Variants in CUX1 observed in about 807,000 individuals in gnomAD.
The protein encoded by CUX1 is protein CASP.
CUX1 carries 31 observed loss-of-function variants against 158.8 expected under a neutral mutation model. That is an observed-to-expected ratio of 0.20 (90% CI 0.15 to 0.26). The LOEUF (loss-of-function observed/expected upper bound fraction) is 0.26. Among genes scored for constraint, CUX1 ranks in the 10% least tolerant of loss-of-function variants. The probability of loss-of-function intolerance (pLI) is 1.00; values close to 1 mark genes in which losing one functional copy is unlikely to be tolerated. For missense variants in CUX1, 1,589 were observed against 2,014.6 expected, an observed-to-expected ratio of 0.79 and a Z score of 4.04; for synonymous variants, 879 against 862.1, an observed-to-expected ratio of 1.02 and a Z score of -0.34.
At chr7:102,211,998 G>A (rs1796589108) in intron 20 of CUX1, among the ~76,000 whole-genome samples, 1 of 152,134 alleles carries the variant, frequency 6.6e-6, no homozygotes, top group South Asian at 2.1e-4. Flanking sequence ...GATGTGTGAT[G>A]TATAGGGATC....
chr7:102,120,531 G>T (rs1391042583), intron 8 of CUX1, among the ~76,000 whole-genome samples: 3 of 152,198 alleles, frequency 2.0e-5, no homozygotes, highest in Non-Finnish European at 4.4e-5. Flanking sequence ...ACGACATTGT[G>T]TATACACATA....
chr7:101,850,525 ATGAGAGCAC>A (rs893047556), intron 1 of CUX1, among the ~76,000 whole-genome samples: 3 of 150,176 alleles, frequency 2.0e-5, no homozygotes, highest in African/African-American at 7.4e-5. Flanking sequence ...GGTATAGGAA[ATGAGAGCAC>A]TGTGCCCGGC....
At chr7:102,194,511 G>T (rs1187923724) in intron 13 of CUX1, among the ~76,000 whole-genome samples, 1 of 151,098 alleles carries the variant, frequency 6.6e-6, no homozygotes, top group Non-Finnish European at 1.5e-5. Flanking sequence ...GAGGCAGGAA[G>T]ATCGCTTGAG....
chr7:102,280,761 G>A, intron 19 of CUX1: 2 of 1,601,040 alleles, frequency 1.2e-6, no homozygotes, highest in East Asian at 2.2e-5. Flanking sequence ...CAGGGCCTGT[G>A]AGGTCCTTTG....
downstream of CUX1, among the ~76,000 whole-genome samples, chr7:102,259,637 TATTTG>T (rs1465564273): frequency 6.6e-6 from 1 of 151,602 alleles, no homozygotes; most frequent in Non-Finnish European, 1.5e-5. Flanking sequence ...GCCAGTTTGG[TATTTG>T]ACAGACTGAA....
chr7:102,104,651 G>A (rs1830146263), intron 6 of CUX1, among the ~76,000 whole-genome samples, 192 bp downstream of exon 6: 1 of 152,120 alleles, frequency 6.6e-6, no homozygotes, highest in Non-Finnish European at 1.5e-5. Context: ...CAGCACTTTG[G>A]GAGGCCGAGG....
chr7:102,059,270 C>T (rs1309184943), intron 3 of CUX1, among the ~76,000 whole-genome samples: 1 of 152,204 alleles, frequency 6.6e-6, no homozygotes, highest in Non-Finnish European at 1.5e-5. Flanking sequence ...CAAATCTCCT[C>T]TATGGATCCC....
intron 2 of CUX1, among the ~76,000 whole-genome samples, chr7:101,919,343 T>G (rs1350870097): frequency 1.3e-5 from 2 of 152,188 alleles, no homozygotes; most frequent in African/African-American, 2.4e-5. Context: ...GAGCCACCAC[T>G]GCCCTGACAC....
rs529442542 is a variant in CUX1 at position 101,947,324 on chromosome 7, C to G, written c.141+31099C>G. Among the ~76,000 whole-genome samples the G allele has an allele frequency of 9.2e-5, 14 of 152,230 alleles. No individual in the cohort carries two copies. In the South Asian group the frequency reaches 2.5e-3, roughly 27 times the overall value. Reference sequence around the variant, plus strand: ...CAGGAGGATTGCTTGCACCCAGGAGCTCGAGGCTGCAGTGAGCCGTGATCA... The same window carrying G: ...CAGGAGGATTGCTTGCACCCAGGAGGTCGAGGCTGCAGTGAGCCGTGATCA... On this transcript the variant is annotated intron_variant, in intron 2 of 23. Coordinates refer to ENST00000292535, the MANE Select transcript of CUX1 (RefSeq NM_181552.4).
chr7:101,848,829 T>C (rs1374644864), intron 1 of CUX1, among the ~76,000 whole-genome samples: 1 of 149,680 alleles, frequency 6.7e-6, no homozygotes, highest in Non-Finnish European at 1.5e-5. Context: ...CTGGGCAACA[T>C]AGCAAGACCC....
chr7:102,149,629 G>A (rs551540216), intron 8 of CUX1, among the ~76,000 whole-genome samples: 5 of 152,176 alleles, frequency 3.3e-5, no homozygotes, highest in South Asian at 2.1e-4. Context: ...ATCAGGGCAC[G>A]ACAGCCACAG....
intron 2 of CUX1, among the ~76,000 whole-genome samples, chr7:101,965,708 G>T (rs546870086): frequency 6.6e-6 from 1 of 151,822 alleles, no homozygotes; most frequent in South Asian, 2.1e-4. Flanking sequence ...AATTAGCGGG[G>T]CGTGGTGGCA....
At chr7:102,174,374 C>T (rs1168970141) in intron 10 of CUX1, among the ~76,000 whole-genome samples, 1 of 152,206 alleles carries the variant, frequency 6.6e-6, no homozygotes, top group African/African-American at 2.4e-5. Flanking sequence ...CCACCTCAGC[C>T]TCCCAAAGTG....
chr7:102,124,021 C>T (rs981955948), intron 8 of CUX1, among the ~76,000 whole-genome samples: 8 of 152,164 alleles, frequency 5.3e-5, no homozygotes, highest in African/African-American at 1.9e-4. Flanking sequence ...TCATTATTCA[C>T]AGACTGTCAC....
intron 2 of CUX1, among the ~76,000 whole-genome samples, chr7:101,928,156 A>G (rs746824790): frequency 1.8e-4 from 28 of 152,314 alleles, no homozygotes; most frequent in Non-Finnish European, 7.3e-5. Context: ...AGTCAAAAAC[A>G]TGCTGCGTTC....
rs570153447 is a variant in CUX1, at chr7:102,274,210, G to A, written c.1384-34G>A. 7.5e-6 allele frequency: 12 copies of A among 1,598,786 alleles called. No individual in the cohort carries two copies. In the Admixed American group the frequency reaches 1.2e-4, roughly 16 times the overall value. On this transcript the variant is annotated intron_variant, in intron 15 of 22. Transcript: ENST00000292538. ...GGGAATATTCCGTGCCCATTGTGCG[G>A]AGGCACCTCCTCATCGCTTCCTGTC...
chr7:101,900,808 C>G (rs757913885), intron 1 of CUX1, among the ~76,000 whole-genome samples: 1 of 152,124 alleles, frequency 6.6e-6, no homozygotes, highest in Non-Finnish European at 1.5e-5. Context: ...TAGCACTTCA[C>G]CTATAACTGT....
At chr7:101,874,774 C>T (rs1290017744) in intron 1 of CUX1, among the ~76,000 whole-genome samples, 1 of 152,164 alleles carries the variant, frequency 6.6e-6, no homozygotes, top group East Asian at 1.9e-4. Context: ...GAAGCAAAAT[C>T]AACACACTCA....
In CUX1 at chr7:101,932,546, A is replaced by G. The variant is rs747228332; in HGVS notation, c.141+16321A>G. The stretch of plus-strand genomic sequence containing the variant: ...GTTACATGTGCTTTTGAAGATGACC[A>G]TTTGTGAAACCATCAGCCACTGGCA... On this transcript the variant is annotated intron_variant, in intron 2 of 23. Coordinates refer to ENST00000292535, the MANE Select transcript of CUX1 (RefSeq NM_181552.4). 69 of 454,480 alleles carry G rather than the reference A, an allele frequency of 1.5e-4. 4 individuals are homozygous for G. The highest frequency in any genetic ancestry group is 9.3e-4 in the South Asian group (60 of 64,442). 28.2% of individuals were successfully genotyped at this position (454,480 alleles called of 1,614,324 possible).
Sources: gnomAD v4.1 joint callset for allele counts (sites outside exome capture counted in the v4.1 genomes callset) on GRCh38, gnomAD v4.1.1 for gene constraint, MANE v1.5 for transcripts, NCBI Gene and HGNC (gene_info 2026-07-23, HGNC 2026-07-21) for gene names.